The following CPS1 variants were observed in gnomAD, a reference collection of about 807,000 sequenced individuals.
CPS1 encodes carbamoyl-phosphate synthase [ammonia], mitochondrial.
A neutral mutation model predicts 174.6 loss-of-function variants in CPS1; 109 were observed. The observed-to-expected ratio is 0.62, with a 90% confidence interval of 0.53 to 0.73. CPS1 has a LOEUF of 0.73. Ranked by LOEUF, CPS1 falls within the 30% of genes least tolerant of loss-of-function variation. The probability of loss-of-function intolerance (pLI) is 0.00; values close to 1 mark genes in which losing one functional copy is unlikely to be tolerated. For missense variants in CPS1, 1,689 were observed against 1,821.9 expected (o/e 0.93, Z 1.33); for synonymous variants, 637 against 632.0 (o/e 1.01, Z -0.12).
chr2:210,645,096 G>T (rs1700338575), intron 25 of CPS1, among the ~76,000 whole-genome samples: 1 of 152,128 alleles, frequency 6.6e-6, no homozygotes, highest in African/African-American at 2.4e-5. Context: ...GTGATATTTG[G>T]TGTTGGATCA....
intron 37 of CPS1, among the ~76,000 whole-genome samples, chr2:210,677,622 A>G (rs1302098410): frequency 3.9e-5 from 6 of 152,198 alleles, no homozygotes; most frequent in African/African-American, 1.4e-4. Context: ...TCTGCCTATC[A>G]TATTTATTTT....
At chr2:210,617,722 G>C (rs1699358733) in intron 21 of CPS1, 1 of 151,954 alleles carries the variant, frequency 6.6e-6, no homozygotes, top group Non-Finnish European at 1.5e-5. Flanking sequence ...ATCCTTTCTA[G>C]TGATCACATA....
chr2:210,486,018 C>T (rs73071719), intron 1 of CPS1, among the ~76,000 whole-genome samples: 36 of 150,546 alleles, frequency 2.4e-4, no homozygotes, highest in African/African-American at 8.8e-4. Flanking sequence ...TCCCTAATTA[C>T]TAATGCTGTT....
chr2:210,592,104 C>A, intron 10 of CPS1, 135 bp downstream of exon 10: 4 of 999,888 alleles, frequency 4.0e-6, no homozygotes, highest in Admixed American at 4.6e-5. Context: ...ATGTAATGAT[C>A]AAATCACACT....
intron 21 of CPS1, 129 bp from the exon 22 acceptor site, chr2:210,637,573 A>T: frequency 1.0e-6 from 1 of 971,280 alleles, no homozygotes; most frequent in Non-Finnish European, 1.6e-6. Flanking sequence ...TATTTTTAAA[A>T]GATAACAAGA....
At chr2:210,541,731 A>G (rs1696437265) in intron 1 of CPS1, among the ~76,000 whole-genome samples, 1 of 152,190 alleles carries the variant, frequency 6.6e-6, no homozygotes, top group African/African-American at 2.4e-5. Flanking sequence ...GAAAAATGGG[A>G]AAATATTTGC....
At chr2:210,499,067 G>A (rs1187643162) in intron 1 of CPS1, among the ~76,000 whole-genome samples, 1 of 152,122 alleles carries the variant, frequency 6.6e-6, no homozygotes, top group Non-Finnish European at 1.5e-5. Flanking sequence ...CACAGGAATG[G>A]TTGGGTGGCT....
At chr2:210,629,946 G>A (rs1699815387) in intron 21 of CPS1, among the ~76,000 whole-genome samples, 1 of 151,620 alleles carries the variant, frequency 6.6e-6, no homozygotes, top group South Asian at 2.1e-4. Flanking sequence ...GGTGGCAGGC[G>A]CCTGTAGTCC....
At chr2:210,484,548 C>A (rs370376187) in intron 1 of CPS1, among the ~76,000 whole-genome samples, 3 of 152,128 alleles carry the variant, frequency 2.0e-5, no homozygotes, top group East Asian at 3.9e-4. Flanking sequence ...TTTGTCTTAT[C>A]TGAGTTCCTT....
At chr2:210,667,034 G>A (rs1386189738) in intron 33 of CPS1, among the ~76,000 whole-genome samples, 1 of 152,118 alleles carries the variant, frequency 6.6e-6, no homozygotes, top group Non-Finnish European at 1.5e-5. Flanking sequence ...CCTTGAAGAG[G>A]TCCTTCATGT....
chr2:210,506,755 T>A (rs928057136), intron 1 of CPS1, among the ~76,000 whole-genome samples: 4 of 152,108 alleles, frequency 2.6e-5, no homozygotes, highest in African/African-American at 9.7e-5. Flanking sequence ...GCCAATTCGA[T>A]CAACTGGAAG....
chr2:210,541,359 C>G (rs1469888717), intron 1 of CPS1, among the ~76,000 whole-genome samples: 2 of 152,168 alleles, frequency 1.3e-5, no homozygotes, highest in Non-Finnish European at 2.9e-5. Flanking sequence ...CTTGAGAGCG[C>G]TGTCCCATTT....
intron 1 of CPS1, among the ~76,000 whole-genome samples, chr2:210,525,181 G>T (rs1422603865): frequency 2.0e-5 from 3 of 151,818 alleles, no homozygotes; most frequent in Non-Finnish European, 1.5e-5. Flanking sequence ...GTATGGCTGG[G>T]TATCCCTGAG....
chr2:210,580,044 C>A (rs192790104), intron 5 of CPS1, among the ~76,000 whole-genome samples: 1 of 152,108 alleles, frequency 6.6e-6, no homozygotes, highest in African/African-American at 2.4e-5. Context: ...ATTATACCAA[C>A]AAGTCAAGGA....
chr2:210,642,794 A>G, intron 25 of CPS1, 129 bp downstream of exon 25: 1 of 850,428 alleles, frequency 1.2e-6, no homozygotes, highest in Non-Finnish European at 1.8e-6. Flanking sequence ...TGCCAGTGGC[A>G]TCCATTGTCT....
chr2:210,583,289 T>TTTGA (rs1246892242), intron 6 of CPS1, among the ~76,000 whole-genome samples: 2 of 152,118 alleles, frequency 1.3e-5, no homozygotes, highest in African/African-American at 4.8e-5. Flanking sequence ...GTCCATTGGT[T>TTTGA]TTGATTGAAT....
At position 210,488,682 on chromosome 2, in the gene CPS1, A is replaced by G. The variant is rs1179337511; in HGVS notation, c.3+10916A>G. On this transcript the variant is annotated intron_variant, in intron 1 of 38. Coordinates refer to the CPS1 transcript ENST00000430249. ...ATCAGTGACTGTACAAATTCCACCT[A>G]TCTTTTGGACAATAACTGAAAGATC... Among the ~76,000 whole-genome samples, 4 of 152,170 alleles carry G rather than the reference A, an allele frequency of 2.6e-5. No homozygotes were observed. The South Asian group carries it at 6.2e-4, about 24-fold the overall frequency.
Position 210,606,823 on chromosome 2 carries a change from G to T in CPS1, c.2074G>T (p.Gly692Cys). 6.2e-7 allele frequency: 1 copy of T among 1,612,596 alleles called. No individual in the cohort carries two copies. The highest frequency in any genetic ancestry group is 8.5e-7 in the Non-Finnish European group (1 of 1,179,118). ...RTSINVVRHL[G>C]IVGECNIQFA... is the part of the protein sequence containing the mutation. ...TTCAATCAATGTTGTTCGCCACTTG[G>T]GCATTGTGGGTGAATGCAACATTCA... The change falls in exon 18 of 38, where the codon GGC becomes TGC. Residue 692 changes from glycine (G) to cysteine (C), a missense_variant. Coordinates refer to ENST00000233072, the MANE Select transcript of CPS1 (RefSeq NM_001875.5).
At chr2:210,580,786 G>A (rs1396475611) in intron 5 of CPS1, among the ~76,000 whole-genome samples, 3 of 151,504 alleles carry the variant, frequency 2.0e-5, no homozygotes, top group Non-Finnish European at 1.5e-5. Flanking sequence ...ACTTGAACCC[G>A]GGAGGCGGAG....
Sources: allele counts gnomAD v4.1 joint callset (sites outside exome capture counted in the v4.1 genomes callset), GRCh38; gene constraint gnomAD v4.1.1; transcripts MANE v1.5; gene names NCBI Gene and HGNC (gene_info 2026-07-23, HGNC 2026-07-21).